RTL9: variants seen among roughly 807,000 people sequenced by gnomAD.
RTL9 encodes retrotransposon Gag-like protein 9.
In RTL9, 19 loss-of-function variants were observed where a neutral mutation model predicts 44.7. The ratio of observed to expected loss-of-function variants is 0.42; its 90% CI spans 0.30 to 0.62. The LOEUF (loss-of-function observed/expected upper bound fraction) is 0.62, where lower values mean the gene tolerates loss of function less well. Among genes scored for constraint, RTL9 ranks in the 20% least tolerant of loss-of-function variants. The pLI, the probability that RTL9 is intolerant of heterozygous loss-of-function variation, is 0.16. For missense variants in RTL9, 1,105 were observed against 1,080.6 expected, an observed-to-expected ratio of 1.02 and a Z score of -0.32; for synonymous variants, 407 against 398.9, an observed-to-expected ratio of 1.02 and a Z score of -0.24.
intron 1 of RTL9, among the ~76,000 whole-genome samples, chrX:110,426,066 C>T (rs1404892273): frequency 8.9e-6 from 1 of 111,999 alleles, no homozygotes; most frequent in Non-Finnish European, 1.9e-5. Context: ...AAAGCATTCT[C>T]TATTGTGGCT....
At chrX:110,417,110 G>T (rs761484167), upstream of RTL9, among the ~76,000 whole-genome samples, 1 of 112,041 alleles carries the variant, frequency 8.9e-6, no homozygotes, top group Admixed American at 9.4e-5. Flanking sequence ...GGAACAGACA[G>T]AGTGCTCTTC....
At chrX:110,389,273 C>T (rs58676520) in intron 1 of RTL9, among the ~76,000 whole-genome samples, 12,955 of 112,433 alleles carry the variant, frequency 0.12, 1,276 homozygotes, top group African/African-American at 0.33. Flanking sequence ...AAAGATCCTT[C>T]GTTAACACTT....
At chrX:110,363,299 G>C (rs1225189699) in intron 1 of RTL9, among the ~76,000 whole-genome samples, 1 of 112,032 alleles carries the variant, frequency 8.9e-6, no homozygotes, top group Admixed American at 9.5e-5. Flanking sequence ...GCTACAGACT[G>C]AGAGGGAATA....
chrX:110,378,918 C>T (rs1455574900), intron 1 of RTL9, among the ~76,000 whole-genome samples: 1 of 110,165 alleles, frequency 9.1e-6, no homozygotes, highest in Non-Finnish European at 1.9e-5. Flanking sequence ...TGCTGGACAC[C>T]CGTCCACCCC....
chrX:110,427,779 T>C, intron 1 of RTL9, among the ~76,000 whole-genome samples: 1 of 112,198 alleles, frequency 8.9e-6, no homozygotes, highest in East Asian at 2.8e-4. Flanking sequence ...TGCTCTTGCT[T>C]GTTCATTCTA....
At chrX:110,400,831 G>C (rs1385455455) in intron 1 of RTL9, among the ~76,000 whole-genome samples, 1 of 111,541 alleles carries the variant, frequency 9.0e-6, no homozygotes, top group African/African-American at 3.3e-5. Flanking sequence ...TTATGTCTGA[G>C]TCTCTAGGGA....
chrX:110,442,842 G>A (rs777982837), intron 1 of RTL9, among the ~76,000 whole-genome samples: 12 of 112,056 alleles, frequency 1.1e-4, no homozygotes, highest in Non-Finnish European at 2.1e-4. Context: ...CCAGGAGAGG[G>A]CATCTGATCC....
At position 110,410,146 on chromosome X, in the gene RTL9, G is replaced by T. The variant is rs144345852; in HGVS notation, c.-167-35007G>T. Among the ~76,000 whole-genome samples, 4 of 111,363 alleles carry T rather than the reference G, an allele frequency of 3.6e-5. No homozygotes were observed. The Admixed American group carries it at 3.8e-4, about 11-fold the overall frequency. On this transcript the variant is annotated intron_variant, in intron 1 of 2. Transcript: ENST00000520821. Reference sequence around the variant, plus strand: ...GAGTCACCGACAGGGATGATGACTCGCCTCGGGTCACAGAGCAAGTCATGG... The same window carrying T: ...GAGTCACCGACAGGGATGATGACTCTCCTCGGGTCACAGAGCAAGTCATGG...
exon 2 of RTL9, chrX:110,455,566 A>T (rs1271981791): frequency 2.5e-5 from 7 of 283,888 alleles, no homozygotes. Context: ...GAGGTTCTGA[A>T]CTCCCATCAC....
At chrX:110,376,754 G>A (rs2068379649) in intron 1 of RTL9, among the ~76,000 whole-genome samples, 1 of 112,556 alleles carries the variant, frequency 8.9e-6, no homozygotes, top group African/African-American at 3.2e-5. Context: ...ACCTCCCTGC[G>A]ACTGTTCTGT....
intron 1 of RTL9, among the ~76,000 whole-genome samples, chrX:110,369,203 G>A (rs1044005462): frequency 3.6e-5 from 4 of 110,780 alleles, no homozygotes; most frequent in African/African-American, 9.9e-5. Flanking sequence ...GTGGTGGCAC[G>A]CTCCTGTGGT....
At chrX:110,373,978 G>C (rs1192901236) in intron 1 of RTL9, among the ~76,000 whole-genome samples, 1 of 111,517 alleles carries the variant, frequency 9.0e-6, no homozygotes, top group African/African-American at 3.3e-5. Flanking sequence ...AATATAGCAT[G>C]GCACTATAAA....
intron 1 of RTL9, among the ~76,000 whole-genome samples, chrX:110,431,375 G>A (rs1433428506): frequency 1.3e-4 from 14 of 109,047 alleles, no homozygotes; most frequent in African/African-American, 4.4e-4. Flanking sequence ...GGATGAAGGT[G>A]GGAGGAATAC....
intron 1 of RTL9, among the ~76,000 whole-genome samples, chrX:110,364,532 A>T (rs773803656): frequency 9.0e-6 from 1 of 111,547 alleles, no homozygotes; most frequent in South Asian, 3.8e-4. Flanking sequence ...TCCTACTGGG[A>T]TTTATCAAGA....
chrX:110,405,096 C>A (rs116827927), intron 1 of RTL9, among the ~76,000 whole-genome samples: 1,338 of 99,607 alleles, frequency 0.013, 25 homozygotes, highest in African/African-American at 0.019. Context: ...TGTCCCCCCC[C>A]CCCCCAAGCA....
intron 1 of RTL9, among the ~76,000 whole-genome samples, chrX:110,406,634 G>A (rs746576856): frequency 1.8e-5 from 2 of 111,835 alleles, no homozygotes; most frequent in African/African-American, 6.5e-5. Context: ...TAATGGGATC[G>A]CTGGGTCAAA....
At chrX:110,387,069 G>A (rs1417484882) in intron 1 of RTL9, among the ~76,000 whole-genome samples, 1 of 112,256 alleles carries the variant, frequency 8.9e-6, no homozygotes, top group African/African-American at 3.2e-5. Flanking sequence ...GCTTTAAGGA[G>A]AAGGGATCTA....
chrX:110,442,247 C>CTCTCTCTGTG (rs1556214261), intron 1 of RTL9, among the ~76,000 whole-genome samples: 37 of 97,041 alleles, frequency 3.8e-4, no homozygotes, highest in African/African-American at 1.4e-3. Flanking sequence ...CTCTCTCTCT[C>CTCTCTCTGTG]TGTGTGTGTG....
intron 1 of RTL9, among the ~76,000 whole-genome samples, chrX:110,359,698 A>G (rs1468715833): frequency 6.3e-5 from 7 of 111,869 alleles, no homozygotes; most frequent in Non-Finnish European, 1.3e-4. Flanking sequence ...CCCTGGGTGC[A>G]AAAGTCGGTA....
Sources: allele counts gnomAD v4.1 joint callset (sites outside exome capture counted in the v4.1 genomes callset), GRCh38; gene constraint gnomAD v4.1.1; transcripts MANE v1.5; gene names NCBI Gene and HGNC (gene_info 2026-07-23, HGNC 2026-07-21).